MTAP: variants seen among roughly 807,000 people sequenced by gnomAD.
MTAP encodes the protein methylthioadenosine phosphorylase.
Under a neutral mutation model 33.6 loss-of-function variants are expected in MTAP, and 33 were observed. The observed-to-expected ratio is 0.98, with a 90% CI of 0.74 to 1.31. The LOEUF is 1.31. Ranked by LOEUF, MTAP falls within the 40% of genes most tolerant of loss-of-function variation. The pLI is 0.00. For synonymous variants in MTAP, 148 were observed against 125.7 expected (o/e 1.18, Z -1.19); for missense variants, 367 against 360.0 (o/e 1.02, Z -0.16).
chr9:21,852,360 A>T (rs1053573737), intron 5 of MTAP, among the ~76,000 whole-genome samples: 2 of 152,020 alleles, frequency 1.3e-5, no homozygotes, highest in African/African-American at 2.4e-5. Flanking sequence ...CAAAGAAAAG[A>T]ATTAGCTGGC....
At chr9:21,843,667 C>G (rs1825306273) in intron 5 of MTAP, among the ~76,000 whole-genome samples, 1 of 152,122 alleles carries the variant, frequency 6.6e-6, no homozygotes, top group Non-Finnish European at 1.5e-5. Context: ...ACAGTAAAGT[C>G]AAGATGGAAA....
At chr9:21,811,719 C>G in intron 1 of MTAP, 1 of 532,014 alleles carries the variant, frequency 1.9e-6, no homozygotes, top group Non-Finnish European at 3.8e-6. Context: ...ATGTTGCTTT[C>G]AGCCTCGGTG....
intron 1 of MTAP, among the ~76,000 whole-genome samples, chr9:21,877,818 T>C (rs1826033387): frequency 6.6e-6 from 1 of 152,158 alleles, no homozygotes; most frequent in Non-Finnish European, 1.5e-5. Flanking sequence ...CCTGAAGTTT[T>C]CTTATTTTGT....
In MTAP at chr9:21,862,226, A is replaced by G. The variant is rs544925331; in HGVS notation, c.*212A>G. The stretch of plus-strand genomic sequence containing the variant: ...AAATACAGAAGAAAAGCAAATGACT[A>G]GTAAACATGTGGGAAAAAATATTAC... On this transcript the variant is annotated 3_prime_UTR_variant, in exon 8 of 8. Coordinates refer to ENST00000644715, the MANE Select transcript of MTAP (RefSeq NM_002451.4). 1.2e-5 allele frequency: 15 copies of G among 1,232,444 alleles called. No individual in the cohort carries two copies. The Admixed American group carries it at 3.7e-4, about 30-fold the overall frequency. 76.3% of individuals were successfully genotyped at this position (1,232,444 alleles called of 1,614,324 possible). A position where few individuals can be genotyped will look rare whatever the true frequency, so the allele number is the denominator to read the frequency against.
chr9:21,819,237 C>T (rs559382721), intron 4 of MTAP, among the ~76,000 whole-genome samples: 1 of 151,830 alleles, frequency 6.6e-6, no homozygotes, highest in African/African-American at 2.4e-5. Context: ...GTGTGCTGCA[C>T]CCATTAACTC....
chr9:21,898,806 A>G (rs1388158772), intron 1 of MTAP, among the ~76,000 whole-genome samples: 2 of 152,220 alleles, frequency 1.3e-5, no homozygotes, highest in African/African-American at 4.8e-5. Context: ...TAGTTCAACC[A>G]TTGTGGAAGA....
At chr9:21,810,235 C>A (rs143165391) in intron 1 of MTAP, among the ~76,000 whole-genome samples, 14 of 152,266 alleles carry the variant, frequency 9.2e-5, no homozygotes, top group African/African-American at 3.1e-4. Flanking sequence ...TTGTACATGG[C>A]AATGTTCTCC....
At position 21,864,102 on chromosome 9, in the gene MTAP, T is replaced by C; in HGVS notation, c.*2088T>C. On this transcript the variant is annotated 3_prime_UTR_variant, in exon 8 of 8. Transcript: ENST00000644715. The stretch of plus-strand genomic sequence containing the variant: ...GTCTAAGAATGTCAGGGCAAAAGTA[T>C]GGGCATTTTTCTTGCTATGTTCAGA... 1 of 985,452 alleles carries C rather than the reference T, an allele frequency of 1.0e-6. No individual in the cohort carries two copies. The highest frequency in any genetic ancestry group is 1.1e-4 in the East Asian group (1 of 8,820). 61.0% of individuals were successfully genotyped at this position (985,452 alleles called of 1,614,324 possible).
At chr9:21,853,168 G>A (rs1271050152) in intron 5 of MTAP, among the ~76,000 whole-genome samples, 3 of 152,060 alleles carry the variant, frequency 2.0e-5, no homozygotes, top group Non-Finnish European at 4.4e-5. Flanking sequence ...TGACAGTGAG[G>A]ACTTGTCAAG....
intron 1 of MTAP, among the ~76,000 whole-genome samples, chr9:21,903,811 A>G (rs1048508835): frequency 3.9e-5 from 6 of 152,100 alleles, no homozygotes; most frequent in African/African-American, 1.4e-4. Context: ...CTAGGGGTGA[A>G]TATTTACAGC....
intron 1 of MTAP, chr9:21,811,921 T>G (rs113143944): frequency 2.9e-6 from 1 of 343,758 alleles, no homozygotes; most frequent in East Asian, 7.2e-5. Context: ...TCTTGGGGGA[T>G]CCAACCAACA....
At chr9:21,821,467 G>T (rs1042832657) in intron 4 of MTAP, among the ~76,000 whole-genome samples, 1 of 152,178 alleles carries the variant, frequency 6.6e-6, no homozygotes, top group Admixed American at 6.5e-5. Flanking sequence ...GCATCCCAGG[G>T]ATGAAGCCCA....
At chr9:21,940,724 T>TG (rs1455885906), downstream of MTAP, among the ~76,000 whole-genome samples, 1 of 152,162 alleles carries the variant, frequency 6.6e-6, no homozygotes, top group East Asian at 1.9e-4. Context: ...GGGCAAGGTA[T>TG]GGGGGCTCTT....
intron 6 of MTAP, among the ~76,000 whole-genome samples, chr9:21,855,908 A>G (rs1825631577): frequency 6.6e-6 from 1 of 152,218 alleles, no homozygotes; most frequent in Non-Finnish European, 1.5e-5. Flanking sequence ...CCATGCCATC[A>G]TTGTACAAAA....
chr9:21,873,137 G>A (rs546195525), intron 1 of MTAP, among the ~76,000 whole-genome samples: 21 of 152,210 alleles, frequency 1.4e-4, no homozygotes, highest in African/African-American at 4.8e-4. Context: ...AGGATGGAAG[G>A]GATTTGGAAT....
intron 1 of MTAP, among the ~76,000 whole-genome samples, chr9:21,885,197 T>G (rs1015257186): frequency 2.6e-5 from 4 of 152,212 alleles, no homozygotes. Flanking sequence ...AATCCAGCCA[T>G]GCCCACCCAG....
At chr9:21,819,359 C>G (rs1307822281) in intron 4 of MTAP, among the ~76,000 whole-genome samples, 2 of 152,138 alleles carry the variant, frequency 1.3e-5, no homozygotes, top group African/African-American at 2.4e-5. Flanking sequence ...TCTCATTGTT[C>G]AGTTCCCACC....
At chr9:21,912,545 C>T (rs542252551) in intron 1 of MTAP, among the ~76,000 whole-genome samples, 1 of 152,260 alleles carries the variant, frequency 6.6e-6, no homozygotes, top group South Asian at 2.1e-4. Context: ...ATGATTATCT[C>T]AATAGATGCA....
downstream of MTAP, among the ~76,000 whole-genome samples, chr9:21,868,041 A>G (rs539865841): frequency 4.9e-4 from 75 of 152,270 alleles, no homozygotes; most frequent in Middle Eastern, 0.01. Flanking sequence ...TGATGTATAG[A>G]TAGGATGTTT....
Sources: allele counts gnomAD v4.1 joint callset (sites outside exome capture counted in the v4.1 genomes callset), GRCh38; gene constraint gnomAD v4.1.1; transcripts MANE v1.5; gene names NCBI Gene and HGNC (gene_info 2026-07-23, HGNC 2026-07-21).